Variants in PARD3B observed in about 807,000 individuals in gnomAD.
PARD3B encodes the protein par-3 family cell polarity regulator beta, also known as partitioning defective 3 homolog B.
In PARD3B, 103 loss-of-function variants were observed where a neutral mutation model predicts 130.2. That is an observed-to-expected ratio of 0.79 (90% CI 0.67 to 0.93). The LOEUF (loss-of-function observed/expected upper bound fraction) is 0.93, where lower values mean the gene tolerates loss of function less well. PARD3B is among the 40% of genes least tolerant of loss of function. PARD3B has a pLI of 0.00. For synonymous variants in PARD3B, 583 were observed against 553.2 expected, an observed-to-expected ratio of 1.05 and a Z score of -0.76; for missense variants, 1,609 against 1,499.2, an observed-to-expected ratio of 1.07 and a Z score of -1.21.
chr2:204,693,713 A>C (rs73059066), intron 2 of PARD3B, among the ~76,000 whole-genome samples: 1,959 of 152,016 alleles, frequency 0.013, 23 homozygotes, highest in Middle Eastern at 0.031. Flanking sequence ...CTCTAAACCC[A>C]CTTCAACCGC....
chr2:205,466,432 C>T (rs1355561147), intron 20 of PARD3B, among the ~76,000 whole-genome samples: 1 of 152,072 alleles, frequency 6.6e-6, no homozygotes, highest in Non-Finnish European at 1.5e-5. Flanking sequence ...CATTAGTGTC[C>T]ATGCTTTGAC....
chr2:204,940,019 A>G (rs1349777139), intron 2 of PARD3B, among the ~76,000 whole-genome samples: 1 of 152,220 alleles, frequency 6.6e-6, no homozygotes, highest in Non-Finnish European at 1.5e-5. Context: ...TTCTGAGAGA[A>G]GAAAGATAAG....
intron 22 of PARD3B, among the ~76,000 whole-genome samples, chr2:205,613,652 T>C (rs1167458969): frequency 6.6e-6 from 1 of 152,216 alleles, no homozygotes; most frequent in African/African-American, 2.4e-5. Context: ...CACAAACAAT[T>C]TAATTTTTTA....
At chr2:205,175,906 A>T (rs987232178) in intron 12 of PARD3B, among the ~76,000 whole-genome samples, 1 of 150,888 alleles carries the variant, frequency 6.6e-6, no homozygotes, top group Non-Finnish European at 1.5e-5. Flanking sequence ...TAGGGGGGGA[A>T]CCCTCAGGAG....
rs2047924190 is a variant in PARD3B, at chr2:205,446,846, A to C, written c.3044+6174A>C. On this transcript the variant is annotated intron_variant, in intron 20 of 22. Transcript: ENST00000406610. This position sits in a 1 kb window ranked among gnomAD's most constrained non-coding sequence, Gnocchi z 4.4. Reference sequence around the variant, plus strand: ...TTTCCACCGCAATGCCAGCATTGAAAGGGCTCCCAGAGTGTATGAACATGA... The same window carrying C: ...TTTCCACCGCAATGCCAGCATTGAACGGGCTCCCAGAGTGTATGAACATGA... Among the ~76,000 whole-genome samples the C allele has an allele frequency of 6.6e-6, 1 of 152,198 alleles. No individual in the cohort carries two copies.
At chr2:204,998,339 T>C (rs190290085) in intron 3 of PARD3B, among the ~76,000 whole-genome samples, 1,671 of 64,822 alleles carry the variant, frequency 0.026, 113 homozygotes, top group South Asian at 0.039. Context: ...TATATATATA[T>C]ATATATATAT....
intron 1 of PARD3B, among the ~76,000 whole-genome samples, chr2:204,634,278 A>G (rs914658983): frequency 1.3e-5 from 2 of 152,188 alleles, no homozygotes; most frequent in African/African-American, 4.8e-5. Flanking sequence ...TTCACTTAAC[A>G]TAATGATCTC....
intron 2 of PARD3B, among the ~76,000 whole-genome samples, chr2:204,809,891 A>G (rs539985116): frequency 1.3e-5 from 2 of 152,048 alleles, no homozygotes; most frequent in South Asian, 2.1e-4. Context: ...ATATTTTTCC[A>G]TTTGTGTCAT....
chr2:204,680,590 G>GT (rs1023904376), intron 1 of PARD3B, among the ~76,000 whole-genome samples: 3 of 150,562 alleles, frequency 2.0e-5, no homozygotes, highest in Non-Finnish European at 4.4e-5. Context: ...TTCATTAGCT[G>GT]TTTTTTTTCT....
chr2:205,003,954 C>T (rs1325219815), intron 3 of PARD3B, among the ~76,000 whole-genome samples: 3 of 152,074 alleles, frequency 2.0e-5, no homozygotes, highest in South Asian at 2.1e-4. Flanking sequence ...ACTCAGAATA[C>T]ACCAAAAAGA....
intron 2 of PARD3B, among the ~76,000 whole-genome samples, chr2:204,747,617 G>A (rs1303428218): frequency 3.3e-5 from 5 of 152,062 alleles, no homozygotes; most frequent in South Asian, 2.1e-4. Context: ...CCCACATTGC[G>A]AAGGTGATCC....
chr2:204,637,710 C>CT (rs2034934520), intron 1 of PARD3B, among the ~76,000 whole-genome samples: 2 of 150,256 alleles, frequency 1.3e-5, no homozygotes, highest in Admixed American at 1.3e-4. Flanking sequence ...TTTATGATAC[C>CT]TTTAGCAAAT....
intron 1 of PARD3B, among the ~76,000 whole-genome samples, chr2:204,615,843 T>C (rs1228066174): frequency 1.3e-5 from 2 of 152,204 alleles, no homozygotes; most frequent in Non-Finnish European, 2.9e-5. Context: ...GCAGAAGTGC[T>C]TTATAGGTAC....
At chr2:205,132,573 C>T (rs1304259355) in intron 10 of PARD3B, among the ~76,000 whole-genome samples, 1 of 152,118 alleles carries the variant, frequency 6.6e-6, no homozygotes, top group Non-Finnish European at 1.5e-5. Context: ...TTTATGGAAC[C>T]TTACGCAGCT....
chr2:205,247,666 T>C lies in PARD3B; in HGVS notation c.2185+1844T>C, dbSNP rs537028920. Among the ~76,000 whole-genome samples, 12 of 152,320 alleles carry C rather than the reference T, an allele frequency of 7.9e-5. 1 individual carries two copies. In the South Asian group the frequency reaches 2.5e-3, roughly 32 times the overall value. ...AGTGCTATTATAACGTTATTACTAC[T>C]TCACGTTTTTCATTGGGCATCTGTA... On this transcript the variant is annotated intron_variant, in intron 16 of 22. Transcript: ENST00000406610.
In PARD3B at chr2:205,079,049, A is replaced by T. The variant is rs986062599; in HGVS notation, c.505-25377A>T. On this transcript the variant is annotated intron_variant, in intron 4 of 22. Coordinates refer to ENST00000406610, the MANE Select transcript of PARD3B (RefSeq NM_001302769.2). The stretch of plus-strand genomic sequence containing the variant: ...GGCTGCCCAGCTTAGCCTTTCCTGA[A>T]TCCCTGACCCACAAACTCTATGAGA... Among the ~76,000 whole-genome samples, 4 of 152,190 alleles carry T rather than the reference A, an allele frequency of 2.6e-5. No homozygotes were observed. The East Asian group carries it at 7.7e-4, about 29-fold the overall frequency.
chr2:204,645,568 C>T lies in PARD3B; in HGVS notation c.121-40613C>T, dbSNP rs538741464. Among the ~76,000 whole-genome samples, 12 of 152,238 alleles carry T rather than the reference C, an allele frequency of 7.9e-5. No individual in the cohort carries two copies. In the East Asian group the frequency reaches 2.3e-3, roughly 29 times the overall value. ...ACTTTAGGCCTCTTAAACCTTTGCT[C>T]ATAAATGTTACTGTTCATCAGCCTG... On this transcript the variant is annotated intron_variant, in intron 1 of 22. Transcript: ENST00000406610.
intron 18 of PARD3B, among the ~76,000 whole-genome samples, chr2:205,323,198 C>T (rs1219626552): frequency 6.6e-6 from 1 of 152,026 alleles, no homozygotes; most frequent in East Asian, 1.9e-4. Context: ...CGTGAGCCAC[C>T]GTGCCTGGCC....
intron 1 of PARD3B, among the ~76,000 whole-genome samples, chr2:204,574,969 A>T (rs1395041996): frequency 1.3e-5 from 2 of 151,930 alleles, no homozygotes; most frequent in Non-Finnish European, 2.9e-5. Flanking sequence ...CCAGTTCTCT[A>T]CTCTTCAGAT....
Sources: allele counts gnomAD v4.1 joint callset (sites outside exome capture counted in the v4.1 genomes callset), GRCh38; gene constraint gnomAD v4.1.1; non-coding constraint Gnocchi (gnomAD v3.1); transcripts MANE v1.5; gene names NCBI Gene and HGNC (gene_info 2026-07-23, HGNC 2026-07-21).